Variants in DLGAP1 observed in about 807,000 individuals in gnomAD.
DLGAP1 encodes DLG associated protein 1.
Under a neutral mutation model 90.8 loss-of-function variants are expected in DLGAP1, and 11 were observed. The ratio of observed to expected loss-of-function variants is 0.12; its 90% CI spans 0.08 to 0.20. The LOEUF (loss-of-function observed/expected upper bound fraction) is 0.20. Among genes scored for constraint, DLGAP1 ranks in the 10% least tolerant of loss-of-function variants. The pLI is 1.00. For synonymous variants in DLGAP1, 558 were observed against 540.7 expected (o/e 1.03, Z -0.44); for missense variants, 1,050 against 1,333.8 (o/e 0.79, Z 3.31).
At chr18:4,427,373 T>C (rs1193570078) in intron 1 of DLGAP1, among the ~76,000 whole-genome samples, 1 of 152,188 alleles carries the variant, frequency 6.6e-6, no homozygotes, top group Non-Finnish European at 1.5e-5. Flanking sequence ...CTATTGAATA[T>C]GTGAGTCTGG....
intron 4 of DLGAP1, among the ~76,000 whole-genome samples, chr18:3,823,316 C>A (rs1056298788): frequency 5.3e-5 from 8 of 152,208 alleles, no homozygotes; most frequent in African/African-American, 1.9e-4. Flanking sequence ...GATACCTCCT[C>A]TCTCACTGAA....
intron 1 of DLGAP1, among the ~76,000 whole-genome samples, chr18:4,371,746 T>TA (rs71368743): frequency 0.42 from 63,661 of 151,980 alleles, 14,184 homozygotes; most frequent in South Asian, 0.56. Flanking sequence ...GGCAAAATGG[T>TA]AAAAAGGCAA....
chr18:3,875,758 ACT>A, intron 4 of DLGAP1, among the ~76,000 whole-genome samples: 1 of 152,084 alleles, frequency 6.6e-6, no homozygotes, highest in Admixed American at 6.5e-5. Flanking sequence ...TCTAATTAGT[ACT>A]CTGACACATG....
At chr18:3,658,781 A>G (rs1012794675) in intron 7 of DLGAP1, among the ~76,000 whole-genome samples, 2 of 152,236 alleles carry the variant, frequency 1.3e-5, no homozygotes, top group African/African-American at 4.8e-5. Context: ...AGCCATATTC[A>G]TTTTTGAGTA....
At chr18:3,818,351 T>G (rs1000010537) in intron 4 of DLGAP1, among the ~76,000 whole-genome samples, 1 of 9,638 alleles carries the variant, frequency 1.0e-4, no homozygotes, top group Non-Finnish European at 2.2e-4. Flanking sequence ...GGATGGTTTT[T>G]TTTTTTTTTT....
chr18:4,227,051 C>T (rs940999287), intron 1 of DLGAP1, among the ~76,000 whole-genome samples: 15 of 151,608 alleles, frequency 9.9e-5, no homozygotes, highest in African/African-American at 2.9e-4. Context: ...AAAAAGAGCA[C>T]GGTAGCTATA....
At chr18:3,585,313 T>G (rs1385749576) in intron 7 of DLGAP1, among the ~76,000 whole-genome samples, 1 of 152,242 alleles carries the variant, frequency 6.6e-6, no homozygotes, top group Non-Finnish European at 1.5e-5. Flanking sequence ...GGTGGAGCTC[T>G]GGTTCCCAGA....
intron 3 of DLGAP1, among the ~76,000 whole-genome samples, chr18:3,951,426 G>A (rs1295551258): frequency 6.6e-6 from 1 of 152,216 alleles, no homozygotes; most frequent in Non-Finnish European, 1.5e-5. Context: ...AGCTGTCAAA[G>A]TAATTTGAAA....
chr18:3,878,902 G>A (rs2071072170), intron 4 of DLGAP1, among the ~76,000 whole-genome samples: 1 of 152,156 alleles, frequency 6.6e-6, no homozygotes, highest in Admixed American at 6.5e-5. Context: ...TGGATATCTA[G>A]TGTCTTAAGA....
At chr18:4,248,677 G>A (rs572918327) in intron 1 of DLGAP1, 2 of 152,336 alleles carry the variant, frequency 1.3e-5, no homozygotes, top group South Asian at 4.2e-4. Flanking sequence ...CCATTCTCAA[G>A]CTTAAAAACG....
At position 4,190,165 on chromosome 18, in the gene DLGAP1, G is replaced by A. The variant is rs983672903; in HGVS notation, c.-266-38878C>T. Among the ~76,000 whole-genome samples the A allele has an allele frequency of 3.3e-5, 5 of 152,086 alleles. No individual in the cohort carries two copies. The East Asian group carries it at 7.7e-4, about 23-fold the overall frequency. On this transcript the variant is annotated intron_variant, in intron 1 of 12. Transcript: ENST00000315677. Reference sequence around the variant, plus strand: ...ACAAACTGTGATATATTCATGCAAGGAGATATTATTCAGTAATGTGAAAAA... The same window carrying A: ...ACAAACTGTGATATATTCATGCAAGAAGATATTATTCAGTAATGTGAAAAA...
intron 1 of DLGAP1, among the ~76,000 whole-genome samples, chr18:4,385,021 G>C (rs1320733806): frequency 6.6e-6 from 1 of 151,976 alleles, no homozygotes; most frequent in Non-Finnish European, 1.5e-5. Flanking sequence ...CTGCAACAGT[G>C]CCTCATTGCC....
chr18:4,191,892 A>C (rs1195971682), intron 1 of DLGAP1, among the ~76,000 whole-genome samples: 4 of 152,282 alleles, frequency 2.6e-5, no homozygotes, highest in Admixed American at 2.0e-4. Flanking sequence ...CCATGGGTGC[A>C]CACAATGTAT....
In DLGAP1 at chr18:3,535,677, T is replaced by C. The variant is rs549218994; in HGVS notation, c.2058-1062A>G. On this transcript the variant is annotated intron_variant, in intron 9 of 12. Coordinates refer to ENST00000315677, the MANE Select transcript of DLGAP1 (RefSeq NM_004746.4). ...GAGCTGAGATCGCACCACTGCACTC[T>C]AGCCTGGGTGACAGAGTGAGATTCT... 1.7e-4 allele frequency among the ~76,000 whole-genome samples: 25 copies of C among 144,812 alleles called. No individual in the cohort carries two copies. In the East Asian group the frequency reaches 2.7e-3, roughly 16 times the overall value.
intron 4 of DLGAP1, among the ~76,000 whole-genome samples, chr18:3,878,794 C>T (rs1254458560): frequency 6.6e-6 from 1 of 152,186 alleles, no homozygotes; most frequent in East Asian, 1.9e-4. Context: ...TCTCTGTAGA[C>T]TTCCCTTTCC....
rs543417903 is a variant in DLGAP1 at position 4,378,386 on chromosome 18, T to A, written c.-267+76620A>T. Among the ~76,000 whole-genome samples, 6 of 152,250 alleles carry A rather than the reference T, an allele frequency of 3.9e-5. 1 individual carries two copies. The South Asian group carries it at 1.2e-3, about 32-fold the overall frequency. ...ACCAATGCAATACATTATAACTTTT[T>A]AACGACAAAATCATTCTGTATAATT... On this transcript the variant is annotated intron_variant, in intron 1 of 12. Transcript: ENST00000315677. This position sits in a 1 kb window ranked among gnomAD's most constrained non-coding sequence, Gnocchi z 4.5.
At chr18:4,307,007 T>C (rs888870040) in intron 1 of DLGAP1, among the ~76,000 whole-genome samples, 1 of 152,178 alleles carries the variant, frequency 6.6e-6, no homozygotes, top group African/African-American at 2.4e-5. Flanking sequence ...CATAATTGAA[T>C]CACAAGAAAC....
intron 3 of DLGAP1, among the ~76,000 whole-genome samples, chr18:3,956,425 T>C (rs961130195): frequency 1.3e-5 from 2 of 151,176 alleles, no homozygotes; most frequent in African/African-American, 4.9e-5. Flanking sequence ...TCTGGCTCAC[T>C]GCAAGCTCCG....
At chr18:3,532,552 T>C (rs1028797557) in intron 10 of DLGAP1, among the ~76,000 whole-genome samples, 6 of 145,540 alleles carry the variant, frequency 4.1e-5, no homozygotes, top group Non-Finnish European at 7.5e-5. Context: ...CACTCCAGCC[T>C]GGGCAACAAG....
Sources: allele counts gnomAD v4.1 joint callset (sites outside exome capture counted in the v4.1 genomes callset), GRCh38; gene constraint gnomAD v4.1.1; non-coding constraint Gnocchi (gnomAD v3.1); transcripts MANE v1.5; gene names NCBI Gene and HGNC (gene_info 2026-07-23, HGNC 2026-07-21).